CTNND2: variants seen among roughly 807,000 people sequenced by gnomAD.
CTNND2 encodes the protein catenin delta-2.
Under a neutral mutation model 144.4 loss-of-function variants are expected in CTNND2, and 22 were observed. That is an observed-to-expected ratio of 0.15 (90% CI 0.11 to 0.22). The LOEUF is 0.22. Ranked by LOEUF, CTNND2 falls within the 10% of genes least tolerant of loss-of-function variation. The pLI is 1.00. For synonymous variants in CTNND2, 751 were observed against 695.6 expected (o/e 1.08, Z -1.25); for missense variants, 1,353 against 1,618.8 (o/e 0.84, Z 2.82).
At chr5:11,284,993 A>G (rs1401708750) in intron 9 of CTNND2, among the ~76,000 whole-genome samples, 3 of 152,172 alleles carry the variant, frequency 2.0e-5, no homozygotes, top group African/African-American at 7.2e-5. Flanking sequence ...AGGTTCCTAT[A>G]AGCCTTCTTC....
intron 9 of CTNND2, among the ~76,000 whole-genome samples, chr5:11,305,428 C>T (rs773793480): frequency 6.6e-6 from 1 of 152,172 alleles, no homozygotes; most frequent in South Asian, 2.1e-4. Context: ...CTGGATTAGC[C>T]TCTTAGTGTT....
intron 10 of CTNND2, among the ~76,000 whole-genome samples, chr5:11,219,949 C>G (rs148279771): frequency 1.1e-4 from 16 of 152,310 alleles, no homozygotes; most frequent in Non-Finnish European, 8.8e-5. Flanking sequence ...TCTCACTCCA[C>G]CTCCCCAACT....
intron 16 of CTNND2, among the ~76,000 whole-genome samples, chr5:11,029,282 AAAGT>A (rs1743198673): frequency 6.6e-6 from 1 of 152,150 alleles, no homozygotes; most frequent in South Asian, 2.1e-4. Context: ...ATGTATATTT[AAAGT>A]AATTACTCAT....
At position 11,499,115 on chromosome 5, in the gene CTNND2, A is replaced by G. The variant is rs551461398; in HGVS notation, c.287+65829T>C. 2.0e-5 allele frequency among the ~76,000 whole-genome samples: 3 copies of G among 152,330 alleles called. No homozygotes were observed. In the East Asian group the frequency reaches 5.8e-4, roughly 29 times the overall value. On this transcript the variant is annotated intron_variant, in intron 3 of 21. Transcript: ENST00000304623. ...GCTAAAGAGGCTTCAGAACTCCTGT[A>G]TTCTACTATATCTCAAGTTTTGAGG...
At chr5:10,974,767 C>T (rs145470958) in intron 21 of CTNND2, among the ~76,000 whole-genome samples, 73 of 152,270 alleles carry the variant, frequency 4.8e-4, no homozygotes, top group Non-Finnish European at 7.5e-4. Context: ...AAGTTCAGCA[C>T]GGAAACGTTC....
At chr5:11,892,518 T>C (rs7446824) in intron 1 of CTNND2, among the ~76,000 whole-genome samples, 33,745 of 152,004 alleles carry the variant, frequency 0.22, 3,919 homozygotes, top group Admixed American at 0.29. Flanking sequence ...TAATAAGCTA[T>C]AGCAAAGAAG....
intron 1 of CTNND2, among the ~76,000 whole-genome samples, chr5:11,823,529 T>C (rs1320377593): frequency 6.6e-6 from 1 of 152,208 alleles, no homozygotes; most frequent in East Asian, 1.9e-4. Context: ...GATAAAAACG[T>C]AAATATCAGT....
intron 3 of CTNND2, among the ~76,000 whole-genome samples, chr5:11,541,838 ACC>A (rs71595823): frequency 3.0e-3 from 225 of 75,078 alleles, no homozygotes; most frequent in South Asian, 9.8e-3. Flanking sequence ...TTTATTATCG[ACC>A]CCCCCCCCCC....
intron 1 of CTNND2, among the ~76,000 whole-genome samples, chr5:11,790,899 T>A (rs1791095535): frequency 6.6e-6 from 1 of 152,134 alleles, no homozygotes; most frequent in African/African-American, 2.4e-5. Context: ...TTCTCCAGTA[T>A]CAGTGAACAT....
intron 16 of CTNND2, among the ~76,000 whole-genome samples, chr5:11,060,699 C>T (rs2973480): frequency 0.47 from 71,258 of 152,036 alleles, 17,387 homozygotes; most frequent in East Asian, 0.79. Flanking sequence ...AATGGCTTCA[C>T]GTGATGACCT....
intron 7 of CTNND2, among the ~76,000 whole-genome samples, chr5:11,375,000 A>G (rs988476547): frequency 3.3e-5 from 5 of 152,104 alleles, no homozygotes; most frequent in Non-Finnish European, 7.4e-5. Flanking sequence ...ACAAGCAAGA[A>G]TAGGATTAAA....
At chr5:11,531,876 G>T (rs948983034) in intron 3 of CTNND2, among the ~76,000 whole-genome samples, 3 of 152,028 alleles carry the variant, frequency 2.0e-5, no homozygotes, top group South Asian at 2.1e-4. Flanking sequence ...CCACATAACA[G>T]CACTTTTTAT....
At chr5:11,494,624 T>C (rs536285433) in intron 3 of CTNND2, among the ~76,000 whole-genome samples, 1 of 152,292 alleles carries the variant, frequency 6.6e-6, no homozygotes, top group South Asian at 2.1e-4. Context: ...AATATGAGAA[T>C]AATAAGCAAT....
chr5:11,021,374 C>T (rs1365322253), intron 17 of CTNND2, among the ~76,000 whole-genome samples: 1 of 152,072 alleles, frequency 6.6e-6, no homozygotes, highest in African/African-American at 2.4e-5. Context: ...GGTGTGTATG[C>T]TCAAGAAAGC....
chr5:11,199,457 G>A lies in CTNND2; in HGVS notation c.1966C>T (p.Leu656=). ...TAATAATGATTCTAACCTGTGACCA[G>A]CTCCCGGATCTCCAGGTCAGTCGTC... ...RKTTDLEIRE[L]VTGVLWNLSS... is the part of the protein sequence containing the mutation. The change falls in exon 11 of 22, where the codon CTG becomes TTG. Residue 656 remains leucine, a synonymous_variant. Coordinates refer to ENST00000304623, the MANE Select transcript of CTNND2 (RefSeq NM_001332.4). 1 of 1,613,960 alleles carries A rather than the reference G, an allele frequency of 6.2e-7. No individual in the cohort carries two copies. Among genetic ancestry groups the A allele is most frequent in the African/African-American group, 1.3e-5 (1 of 75,062 alleles).
intron 7 of CTNND2, among the ~76,000 whole-genome samples, chr5:11,367,930 A>G (rs1262243774): frequency 1.3e-5 from 2 of 152,170 alleles, no homozygotes; most frequent in Non-Finnish European, 2.9e-5. Flanking sequence ...TTACCGCAAC[A>G]ATTCCTACAT....
At chr5:11,354,880 C>G (rs117195611) in intron 8 of CTNND2, among the ~76,000 whole-genome samples, 2 of 152,108 alleles carry the variant, frequency 1.3e-5, no homozygotes, top group Non-Finnish European at 2.9e-5. Flanking sequence ...TTTAAGAAGA[C>G]AGAGTCAACA....
At chr5:11,709,608 A>G (rs1157442653) in intron 2 of CTNND2, among the ~76,000 whole-genome samples, 2 of 152,190 alleles carry the variant, frequency 1.3e-5, no homozygotes, top group Non-Finnish European at 2.9e-5. Context: ...TGACCTGCAA[A>G]AACAACATAA....
intron 2 of CTNND2, among the ~76,000 whole-genome samples, chr5:11,690,982 T>C (rs1784883016): frequency 6.6e-6 from 1 of 152,172 alleles, no homozygotes; most frequent in Non-Finnish European, 1.5e-5. Context: ...GTGACCATAA[T>C]GAGAGCTGCA....
Sources: gnomAD v4.1 joint callset for allele counts (sites outside exome capture counted in the v4.1 genomes callset) on GRCh38, gnomAD v4.1.1 for gene constraint, MANE v1.5 for transcripts, NCBI Gene and HGNC (gene_info 2026-07-23, HGNC 2026-07-21) for gene names.